TTC23: variants seen among roughly 807,000 people sequenced by gnomAD.
TTC23 encodes tetratricopeptide repeat protein 23.
TTC23 carries 58 observed loss-of-function variants against 55.1 expected under a neutral mutation model. The observed-to-expected ratio is 1.05, with a 90% confidence interval of 0.85 to 1.31. The LOEUF (loss-of-function observed/expected upper bound fraction) is 1.31, where lower values mean the gene tolerates loss of function less well. Among genes scored for constraint, TTC23 ranks in the 50% most tolerant of loss-of-function variants. The probability of loss-of-function intolerance (pLI) is 0.00; values close to 1 mark genes in which losing one functional copy is unlikely to be tolerated. For synonymous variants in TTC23, 203 were observed against 199.9 expected, an observed-to-expected ratio of 1.02 and a Z score of -0.13; for missense variants, 516 against 534.4, an observed-to-expected ratio of 0.97 and a Z score of 0.34.
In TTC23 at chr15:99,210,978, C is replaced by T. The variant is rs147458047; in HGVS notation, c.581+7610G>A. Among the ~76,000 whole-genome samples the T allele has an allele frequency of 5.3e-3, 811 of 152,276 alleles. 9 individuals are homozygous for T. Among genetic ancestry groups the T allele is most frequent in the African/African-American group, 0.018 (757 of 41,544 alleles). Reference sequence around the variant, plus strand: ...GTTAAGGGAGAAATCTTCCCCATCCCCTTTCCTTTTGGAAAACTTGTGTTA... The same window carrying T: ...GTTAAGGGAGAAATCTTCCCCATCCTCTTTCCTTTTGGAAAACTTGTGTTA... On this transcript the variant is annotated intron_variant, in intron 8 of 13. Transcript: ENST00000394132.
chr15:99,162,943 T>A (rs1011003095), intron 10 of TTC23, among the ~76,000 whole-genome samples: 1 of 151,386 alleles, frequency 6.6e-6, no homozygotes, highest in Non-Finnish European at 1.5e-5. Context: ...ATTAGCCAGA[T>A]GTGATGATGT....
At chr15:99,239,731 A>G (rs535148592) in intron 3 of TTC23, among the ~76,000 whole-genome samples, 232 of 152,326 alleles carry the variant, frequency 1.5e-3, no homozygotes, top group African/African-American at 4.1e-3. Flanking sequence ...GTCTAGGGAA[A>G]GAGCAGTAGC....
At chr15:99,243,879 TTAGA>T (rs1229485536) in intron 2 of TTC23, among the ~76,000 whole-genome samples, 1 of 152,100 alleles carries the variant, frequency 6.6e-6, no homozygotes, top group Non-Finnish European at 1.5e-5. Context: ...CAAAACGTAG[TTAGA>T]TAGAATGAAT....
chr15:99,235,933 C>G (rs1378389228), intron 3 of TTC23, among the ~76,000 whole-genome samples: 7 of 152,188 alleles, frequency 4.6e-5, no homozygotes, highest in Middle Eastern at 3.2e-3. Context: ...GCTTATGTCT[C>G]TTAGCATAAT....
chr15:99,241,873 G>T (rs1337828287), intron 2 of TTC23, among the ~76,000 whole-genome samples: 2 of 152,204 alleles, frequency 1.3e-5, no homozygotes, highest in African/African-American at 4.8e-5. Context: ...GGTGGCTCAT[G>T]CCTGTAATAT....
At chr15:99,237,610 C>A (rs2079427833) in intron 3 of TTC23, among the ~76,000 whole-genome samples, 1 of 152,026 alleles carries the variant, frequency 6.6e-6, no homozygotes. Flanking sequence ...TGACCAAAAG[C>A]AGATCAGTGA....
rs772009385 is a variant in TTC23 at position 99,218,588 on chromosome 15, T to C, written c.581A>G (p.Gln194Arg). The change falls in exon 8 of 14, where the codon CAG becomes CGG. Residue 194 changes from glutamine to arginine, a missense_variant and splice_region_variant. Gln to Arg is a conservative substitution (Grantham distance 43). Transcript: ENST00000394132. ...IEARIRLSFA[Q>R]VYQGQKKSKE... Reference sequence around the variant, plus strand: ...GCAAAATCCTAAACTTGAAACTTACTGTGCAAATGATAATCTGATCCGTGC... The same window carrying C: ...GCAAAATCCTAAACTTGAAACTTACCGTGCAAATGATAATCTGATCCGTGC... 2 of 1,614,186 alleles carry C rather than the reference T, an allele frequency of 1.2e-6. No homozygotes were observed. Among genetic ancestry groups the C allele is most frequent in the Admixed American group, 1.7e-5 (1 of 60,032 alleles).
At chr15:99,138,712 A>T (rs1300111893) in intron 13 of TTC23, among the ~76,000 whole-genome samples, 2 of 152,236 alleles carry the variant, frequency 1.3e-5, no homozygotes, top group Non-Finnish European at 2.9e-5. Flanking sequence ...GAGGATGGTC[A>T]GGGTTGCACT....
chr15:99,240,420 T>C (rs1235818028), intron 3 of TTC23, among the ~76,000 whole-genome samples: 1 of 152,160 alleles, frequency 6.6e-6, no homozygotes, highest in Non-Finnish European at 1.5e-5. Context: ...TTAAAAAAAA[T>C]TGAGCCATCA....
chr15:99,225,118 C>T (rs370717111), intron 5 of TTC23, among the ~76,000 whole-genome samples: 4 of 152,140 alleles, frequency 2.6e-5, no homozygotes, highest in East Asian at 1.9e-4. Context: ...GCGAAGAGGA[C>T]GGTGCAGGCT....
chr15:99,244,695 G>C (rs1244791370), intron 2 of TTC23, among the ~76,000 whole-genome samples: 1 of 152,038 alleles, frequency 6.6e-6, no homozygotes, highest in African/African-American at 2.4e-5. Context: ...TATTAAGATA[G>C]AATACTCCTC....
At position 99,175,100 on chromosome 15, in the gene TTC23, G is replaced by A; in HGVS notation, c.815C>T (p.Ala272Val). Residue 272 changes from alanine to valine, a missense_variant, in exon 10 of 14, where the codon GCA (alanine) becomes GTA (valine). By Grantham distance (64) the Ala-to-Val change is moderately conservative. Coordinates refer to ENST00000394132, the MANE Select transcript of TTC23 (RefSeq NM_001288615.3). ...SPSQVEAADS[A>V]HIVAHAAVAS... ...GACAGCAGCATGGGCGACGATGTGT[G>A]CCGAGTCTGCTGCCTCCACTTGAGA... 6.2e-7 allele frequency: 1 copy of A among 1,614,202 alleles called. No individual in the cohort carries two copies. Among genetic ancestry groups the A allele is most frequent in the African/African-American group, 1.3e-5 (1 of 75,050 alleles).
At chr15:99,146,163 A>T (rs2068835813) in intron 12 of TTC23, among the ~76,000 whole-genome samples, 1 of 152,242 alleles carries the variant, frequency 6.6e-6, no homozygotes, top group Admixed American at 6.5e-5. Context: ...TTAGAAAATA[A>T]ATGCATTGGC....
chr15:99,162,879 A>T (rs185650328), intron 10 of TTC23, among the ~76,000 whole-genome samples: 1 of 152,232 alleles, frequency 6.6e-6, no homozygotes, highest in East Asian at 1.9e-4. Context: ...TGGAAGTTCA[A>T]GACCAGCTTG....
At chr15:99,228,086 T>C (rs2078612644) in intron 5 of TTC23, among the ~76,000 whole-genome samples, 1 of 152,222 alleles carries the variant, frequency 6.6e-6, no homozygotes, top group South Asian at 2.1e-4. Context: ...ATATTAGTCA[T>C]ACAATAGATA....
At chr15:99,164,331 T>C (rs1251741167) in intron 10 of TTC23, among the ~76,000 whole-genome samples, 1 of 152,190 alleles carries the variant, frequency 6.6e-6, no homozygotes, top group African/African-American at 2.4e-5. Context: ...TAAAACTTTA[T>C]TTACAAAAAC....
intron 8 of TTC23, among the ~76,000 whole-genome samples, chr15:99,202,940 A>G (rs766849119): frequency 1.6e-4 from 25 of 152,214 alleles, no homozygotes; most frequent in Non-Finnish European, 2.2e-4. Context: ...ACAGAAGCAC[A>G]TCACACAGAT....
chr15:99,194,550 T>C (rs1236946844), intron 9 of TTC23, among the ~76,000 whole-genome samples: 2 of 76,754 alleles, frequency 2.6e-5, no homozygotes, highest in African/African-American at 1.1e-4. Flanking sequence ...GGACATCACG[T>C]GCAAAAAAAA....
intron 9 of TTC23, among the ~76,000 whole-genome samples, chr15:99,198,514 A>C (rs1280126190): frequency 6.6e-6 from 1 of 152,186 alleles, no homozygotes; most frequent in Non-Finnish European, 1.5e-5. Context: ...TAGCTTCCTA[A>C]GTGGTCTAGT....
Sources: allele counts gnomAD v4.1 joint callset (sites outside exome capture counted in the v4.1 genomes callset), GRCh38; gene constraint gnomAD v4.1.1; transcripts MANE v1.5; gene names NCBI Gene and HGNC (gene_info 2026-07-23, HGNC 2026-07-21).